Variants in RSF1 observed in about 807,000 individuals in gnomAD.
RSF1 encodes the protein HBV pX-associated protein 8.
A neutral mutation model predicts 145.2 loss-of-function variants in RSF1; 13 were observed. That is an observed-to-expected ratio of 0.09 (90% confidence interval 0.06 to 0.14). The LOEUF is 0.14. RSF1 is among the 10% of genes least tolerant of loss of function. The probability of loss-of-function intolerance (pLI) is 1.00; values close to 1 mark genes in which losing one functional copy is unlikely to be tolerated. For synonymous variants in RSF1, 577 were observed against 592.6 expected, an observed-to-expected ratio of 0.97 and a Z score of 0.38; for missense variants, 1,517 against 1,718.2, an observed-to-expected ratio of 0.88 and a Z score of 2.07.
At chr11:77,690,158 T>C (rs1330715030) in intron 9 of RSF1, among the ~76,000 whole-genome samples, 4 of 115,204 alleles carry the variant, frequency 3.5e-5, no homozygotes, top group Admixed American at 9.9e-5. Flanking sequence ...CGAGACTCCA[T>C]CTCAAAAAAA....
At chr11:77,720,632 TAC>T (rs1444667941) in intron 5 of RSF1, among the ~76,000 whole-genome samples, 1 of 152,196 alleles carries the variant, frequency 6.6e-6, no homozygotes, top group Admixed American at 6.5e-5. Flanking sequence ...ATAAGTGGGA[TAC>T]AAATAGTATA....
intron 5 of RSF1, among the ~76,000 whole-genome samples, chr11:77,712,555 C>T (rs935208660): frequency 5.9e-5 from 9 of 152,130 alleles, no homozygotes; most frequent in Admixed American, 3.9e-4. Context: ...AGATAAATAT[C>T]CTGGGGGAGA....
rs564469354 is a variant in RSF1 at position 77,801,858 on chromosome 11, C to G, written c.187+18670G>C. Among the ~76,000 whole-genome samples the G allele has an allele frequency of 6.6e-5, 10 of 151,878 alleles. No individual in the cohort carries two copies. The South Asian group carries it at 2.1e-3, about 32-fold the overall frequency. The stretch of plus-strand genomic sequence containing the variant: ...ATCAATCATGCCTACATGATGAAAC[C>G]TCCATTAAAAAAAAATCCCTAAACT... On this transcript the variant is annotated intron_variant, in intron 1 of 15. Coordinates refer to ENST00000308488, the MANE Select transcript of RSF1 (RefSeq NM_016578.4).
chr11:77,728,591 AAAGGGAAGGG>A (rs567178582), intron 4 of RSF1, among the ~76,000 whole-genome samples: 1 of 151,642 alleles, frequency 6.6e-6, no homozygotes, highest in Non-Finnish European at 1.5e-5. Context: ...AGGGAAGGAA[AAAGGGAAGGG>A]AAGGGAAGGG....
At chr11:77,763,270 A>G (rs1422597435) in intron 2 of RSF1, 1 of 150,036 alleles carries the variant, frequency 6.7e-6, no homozygotes, top group East Asian at 2.0e-4. Context: ...TGAACCCAGG[A>G]GGTGGACGTT....
rs745827810 is a variant in RSF1 at position 77,675,067 on chromosome 11, CTCT to C, written c.3528_3530del (p.Glu1179del). ...CTCTACTATTCTCCTCAGATTCCTC[CTCT>C]TCATCATCATCGGAATATTTTTTCT... On this transcript the variant is annotated inframe_deletion, in exon 14 of 16. Coordinates refer to ENST00000308488, the MANE Select transcript of RSF1 (RefSeq NM_016578.4). 4 of 1,613,358 alleles carry C rather than the reference CTCT, an allele frequency of 2.5e-6. No homozygotes were observed. In the East Asian group the frequency reaches 8.9e-5, roughly 36 times the overall value.
chr11:77,797,214 G>A (rs924683302), intron 1 of RSF1, among the ~76,000 whole-genome samples: 4 of 152,142 alleles, frequency 2.6e-5, no homozygotes, highest in Non-Finnish European at 2.9e-5. Flanking sequence ...ACAATCCTGG[G>A]CAAGAAGAAC....
intron 11 of RSF1, 141 bp downstream of exon 11, chr11:77,683,569 C>A (rs1959923546): frequency 2.0e-6 from 1 of 503,542 alleles, no homozygotes; most frequent in East Asian, 3.3e-5. Context: ...AAAAAAAATT[C>A]TATGACTAAA....
chr11:77,779,096 AC>A (rs1382465575), intron 1 of RSF1, among the ~76,000 whole-genome samples: 2 of 151,996 alleles, frequency 1.3e-5, no homozygotes, highest in Non-Finnish European at 2.9e-5. Context: ...GACATGCACC[AC>A]CATGCCCAGC....
At chr11:77,854,021 C>CGA in the RSF1 span, among the ~76,000 whole-genome samples, 1 of 142,666 alleles carries the variant, frequency 7.0e-6, no homozygotes, top group Non-Finnish European at 1.5e-5. Flanking sequence ...GACAGACTCT[C>CGA]GCTCCGTTGC....
intron 1 of RSF1, among the ~76,000 whole-genome samples, chr11:77,811,729 G>A (rs1356233018): frequency 6.6e-6 from 1 of 152,132 alleles, no homozygotes; most frequent in Non-Finnish European, 1.5e-5. Context: ...GAAAAGCAAG[G>A]TTGAATATAA....
the RSF1 span, among the ~76,000 whole-genome samples, chr11:77,846,742 A>G: frequency 6.6e-6 from 1 of 152,224 alleles, no homozygotes; most frequent in African/African-American, 2.4e-5. Flanking sequence ...AAGTTCTTTC[A>G]GTAAGGATTT....
Position 77,685,139 on chromosome 11 carries a change from A to C in RSF1, c.2921T>G (p.Val974Gly), listed in dbSNP as rs377229836. Residue 974 changes from valine (V) to glycine (G), a missense_variant, in exon 10 of 16, where the codon GTT becomes GGT. Transcript: ENST00000308488. ...AERRKERLVY[V>G]GISIENIIPP... The stretch of plus-strand genomic sequence containing the variant: ...AATGATGTTTTCAATACTGATACCA[A>C]CATACACCAAGCGTTCTTTTCTTTA... 6.4e-7 allele frequency: 1 copy of C among 1,566,136 alleles called. No individual in the cohort carries two copies. Among genetic ancestry groups the C allele is most frequent in the African/African-American group, 1.4e-5 (1 of 72,862 alleles).
chr11:77,695,267 G>C (rs974922438), intron 7 of RSF1, among the ~76,000 whole-genome samples: 1 of 152,042 alleles, frequency 6.6e-6, no homozygotes, highest in African/African-American at 2.4e-5. Flanking sequence ...TCTCCTTAAA[G>C]TTCTGCTCAC....
the RSF1 span, chr11:77,842,340 T>G: frequency 5.0e-6 from 4 of 795,952 alleles, no homozygotes; most frequent in East Asian, 1.1e-4. Flanking sequence ...TTTTTAGACC[T>G]CTAAAGAAGA....
intron 1 of RSF1, among the ~76,000 whole-genome samples, chr11:77,814,977 C>T (rs530575334): frequency 2.6e-5 from 4 of 152,160 alleles, no homozygotes; most frequent in East Asian, 1.9e-4. Flanking sequence ...AGGCACTGCA[C>T]TTTATGGCAT....
chr11:77,711,778 T>G (rs1480788410), intron 5 of RSF1, among the ~76,000 whole-genome samples: 1 of 152,226 alleles, frequency 6.6e-6, no homozygotes, highest in African/African-American at 2.4e-5. Context: ...AAAATTAACA[T>G]TGGTAAAATA....
chr11:77,755,547 T>C (rs1948107074), intron 2 of RSF1, among the ~76,000 whole-genome samples: 1 of 152,104 alleles, frequency 6.6e-6, no homozygotes, highest in South Asian at 2.1e-4. Context: ...TGGGTCACAT[T>C]GTCTTTACTC....
chr11:77,837,861 C>T, the RSF1 span, among the ~76,000 whole-genome samples: 1 of 152,078 alleles, frequency 6.6e-6, no homozygotes, highest in Non-Finnish European at 1.5e-5. Flanking sequence ...TGGAGACCAA[C>T]ATGGGCAACA....
Sources: gnomAD v4.1 joint callset for allele counts (sites outside exome capture counted in the v4.1 genomes callset) on GRCh38, gnomAD v4.1.1 for gene constraint, MANE v1.5 for transcripts, NCBI Gene and HGNC (gene_info 2026-07-23, HGNC 2026-07-21) for gene names.